The following CLIC5 variants were observed in gnomAD, a reference collection of about 807,000 sequenced individuals.
The protein encoded by CLIC5 is CLIC family member 5.
Under a neutral mutation model 24.7 loss-of-function variants are expected in CLIC5, and 20 were observed. The ratio of observed to expected loss-of-function variants is 0.81; its 90% CI spans 0.57 to 1.18. CLIC5 has a LOEUF of 1.18. CLIC5 is among the 50% of genes most tolerant of loss of function. The probability of loss-of-function intolerance (pLI) is 0.00; values close to 1 mark genes in which losing one functional copy is unlikely to be tolerated. For missense variants in CLIC5, 341 were observed against 326.1 expected (o/e 1.05, Z -0.35); for synonymous variants, 159 against 135.6 (o/e 1.17, Z -1.20).
chr6:46,018,661 G>A (rs986088160), upstream of CLIC5: 1 of 152,148 alleles, frequency 6.6e-6, no homozygotes, highest in African/African-American at 2.4e-5. Flanking sequence ...AACACTATAT[G>A]TCTAATTCCA....
chr6:45,895,658 G>A (rs1439043944), downstream of CLIC5, among the ~76,000 whole-genome samples: 1 of 152,164 alleles, frequency 6.6e-6, no homozygotes, highest in Non-Finnish European at 1.5e-5. Context: ...TCTAATATTT[G>A]CTGCGTCCTA....
chr6:45,896,464 T>A (rs1762393949), downstream of CLIC5, among the ~76,000 whole-genome samples: 1 of 152,264 alleles, frequency 6.6e-6, no homozygotes, highest in South Asian at 2.1e-4. Context: ...AATTTAATGA[T>A]GGACCTAAGA....
chr6:46,065,399 A>G (rs546804950), intron 1 of CLIC5, among the ~76,000 whole-genome samples: 1 of 152,112 alleles, frequency 6.6e-6, no homozygotes, highest in East Asian at 1.9e-4. Context: ...ATATAACTAA[A>G]TAGTTCCACT....
chr6:46,012,200 A>G (rs918115197), intron 1 of CLIC5, among the ~76,000 whole-genome samples: 1 of 152,200 alleles, frequency 6.6e-6, no homozygotes, highest in African/African-American at 2.4e-5. Context: ...AATAAATTAT[A>G]TGGTCTCCTT....
intron 1 of CLIC5, among the ~76,000 whole-genome samples, chr6:46,065,858 T>A (rs1762425645): frequency 6.6e-6 from 1 of 152,182 alleles, no homozygotes; most frequent in South Asian, 2.1e-4. Flanking sequence ...TGTATACATT[T>A]GTCAAAACTC....
chr6:46,057,394 C>T (rs1562028479), intron 1 of CLIC5, among the ~76,000 whole-genome samples: 1 of 152,334 alleles, frequency 6.6e-6, no homozygotes, highest in East Asian at 1.9e-4. Flanking sequence ...TCTCCTCTTG[C>T]CGTGACTCTG....
the CLIC5 span, among the ~76,000 whole-genome samples, chr6:46,113,289 A>G: frequency 6.6e-6 from 1 of 152,294 alleles, no homozygotes; most frequent in East Asian, 1.9e-4. Context: ...AAAAGCTCCA[A>G]CTGGCTGCTG....
At chr6:45,882,879 C>T (rs1175960906) in intron 6 of CLIC5, among the ~76,000 whole-genome samples, 1 of 152,198 alleles carries the variant, frequency 6.6e-6, no homozygotes, top group African/African-American at 2.4e-5. Context: ...CCTGACTATG[C>T]ACAGTGAGAA....
intron 1 of CLIC5, among the ~76,000 whole-genome samples, chr6:45,958,422 TTATATATATATATATATATATATATATA>T (rs35922936): frequency 0.047 from 397 of 8,378 alleles, 13 homozygotes; most frequent in African/African-American, 0.13. Flanking sequence ...AAAAAGACAA[TTATATATATATATATATATATATATATA>T]TATATATATA....
At chr6:45,996,617 T>C (rs1766150198) in intron 1 of CLIC5, among the ~76,000 whole-genome samples, 1 of 152,214 alleles carries the variant, frequency 6.6e-6, no homozygotes, top group South Asian at 2.1e-4. Flanking sequence ...CTTTCCCCAT[T>C]GCTTGTTTTA....
At chr6:46,031,850 A>AATATATATATACACATATATATATAAC (rs951508986) in intron 1 of CLIC5, among the ~76,000 whole-genome samples, 5 of 149,030 alleles carry the variant, frequency 3.4e-5, no homozygotes, top group East Asian at 3.9e-4. Context: ...ATCTTTGTAA[A>AATATATATATACACATATATATATAAC]ATATATATAT....
intron 4 of CLIC5, among the ~76,000 whole-genome samples, chr6:45,940,294 C>T (rs1764085568): frequency 6.6e-6 from 1 of 152,218 alleles, no homozygotes; most frequent in African/African-American, 2.4e-5. Flanking sequence ...AATCAGCTCT[C>T]CAGACCCTCT....
intron 4 of CLIC5, among the ~76,000 whole-genome samples, chr6:45,930,314 G>A (rs536807913): frequency 1.2e-4 from 19 of 152,232 alleles, no homozygotes; most frequent in African/African-American, 4.3e-4. Context: ...GTAAAGACTC[G>A]AGATTGTAGA....
At chr6:46,052,807 T>G (rs567126380) in intron 1 of CLIC5, among the ~76,000 whole-genome samples, 2 of 151,974 alleles carry the variant, frequency 1.3e-5, no homozygotes, top group Non-Finnish European at 2.9e-5. Context: ...GGGGAGAGCT[T>G]GTGCTTCCAG....
the CLIC5 span, among the ~76,000 whole-genome samples, chr6:46,091,069 C>T: frequency 6.6e-6 from 1 of 152,168 alleles, no homozygotes; most frequent in Non-Finnish European, 1.5e-5. Flanking sequence ...TGCTCTGAAC[C>T]TATTCTGGTT....
intron 1 of CLIC5, among the ~76,000 whole-genome samples, chr6:46,033,214 C>A (rs990888286): frequency 6.6e-6 from 1 of 151,836 alleles, no homozygotes; most frequent in African/African-American, 2.4e-5. Flanking sequence ...GTCTCGAACT[C>A]CTGACCTCAT....
intron 1 of CLIC5, among the ~76,000 whole-genome samples, chr6:46,009,303 T>TAAAG (rs1766715181): frequency 6.6e-6 from 1 of 152,120 alleles, no homozygotes; most frequent in Admixed American, 6.5e-5. Context: ...TATTTGTCCT[T>TAAAG]AAAGAATTTC....
chr6:45,997,900 G>A (rs932897083), intron 1 of CLIC5, among the ~76,000 whole-genome samples: 1 of 152,230 alleles, frequency 6.6e-6, no homozygotes, highest in Non-Finnish European at 1.5e-5. Flanking sequence ...TCTGAATTAA[G>A]CCCAGGACCC....
chr6:45,941,567 G>T lies in CLIC5; in HGVS notation c.386C>A (p.Thr129Asn). 6.2e-7 allele frequency: 1 copy of T among 1,613,462 alleles called. No individual in the cohort carries two copies. Among genetic ancestry groups the T allele is most frequent in the Non-Finnish European group, 8.5e-7 (1 of 1,179,476 alleles). ...CTCACCAGCATTGTTCTGCTGCTTG[G>T]TATTTTTGATGTAGGCAGAAAACTT... ...FSKFSAYIKNTKQQNNAALER... is the reference protein window; with the variant it reads ...FSKFSAYIKNNKQQNNAALER... Residue 129 changes from threonine (T) to asparagine (N), a missense_variant, in exon 4 of 6, where the codon ACC becomes AAC. Coordinates refer to ENST00000339561, the MANE Select transcript of CLIC5 (RefSeq NM_016929.5).
Sources: gnomAD v4.1 joint callset for allele counts (sites outside exome capture counted in the v4.1 genomes callset) on GRCh38, gnomAD v4.1.1 for gene constraint, MANE v1.5 for transcripts, NCBI Gene and HGNC (gene_info 2026-07-23, HGNC 2026-07-21) for gene names.